COBL: variants seen among roughly 807,000 people sequenced by gnomAD.
COBL encodes protein cordon-bleu.
A neutral mutation model predicts 98.8 loss-of-function variants in COBL; 51 were observed. That is an observed-to-expected ratio of 0.52 (90% confidence interval 0.41 to 0.65). The LOEUF is 0.65. Among genes scored for constraint, COBL ranks in the 30% least tolerant of loss-of-function variants. The pLI is 0.00. For synonymous variants in COBL, 634 were observed against 651.7 expected, an observed-to-expected ratio of 0.97 and a Z score of 0.41; for missense variants, 1,617 against 1,617.5, an observed-to-expected ratio of 1.00 and a Z score of 0.01.
In COBL at chr7:51,251,861, TACACACAC is replaced by T. The variant is rs373984921; in HGVS notation, c.42-31925_42-31918del. Reference sequence around the variant, plus strand: ...CTTTCTATGCATACTTGCATGTGTATACACACACACACACACAACCATTTTTGCTTTCT... The same window carrying T: ...CTTTCTATGCATACTTGCATGTGTATACACACACAACCATTTTTGCTTTCT... On this transcript the variant is annotated intron_variant, in intron 1 of 12. Coordinates refer to ENST00000265136, the MANE Select transcript of COBL (RefSeq NM_015198.5). 2.4e-3 allele frequency among the ~76,000 whole-genome samples: 358 copies of T among 151,634 alleles called. 1 individual carries two copies. The highest frequency in any genetic ancestry group is 8.2e-3 in the African/African-American group (340 of 41,372).
chr7:51,038,905 G>A (rs1326804171), intron 8 of COBL, among the ~76,000 whole-genome samples: 1 of 152,162 alleles, frequency 6.6e-6, no homozygotes, highest in Non-Finnish European at 1.5e-5. Flanking sequence ...GTCACAGCTA[G>A]GTCCTACATC....
At position 51,028,487 on chromosome 7, in the gene COBL, G is replaced by A. The variant is rs1675132308; in HGVS notation, c.2609C>T (p.Ser870Phe). Reference sequence around the variant, plus strand: ...GGCTCCTATGCGCTTGGCAATGGCAGAGGCCACATACTGGCTGGACGTTCT... The same window carrying A: ...GGCTCCTATGCGCTTGGCAATGGCAAAGGCCACATACTGGCTGGACGTTCT... ...QRRTSSQYVASAIAKRIGAPK... is the reference protein window; with the variant it reads ...QRRTSSQYVAFAIAKRIGAPK... Residue 870 changes from serine (S) to phenylalanine (F), a missense_variant, in exon 10 of 13, where the codon TCT becomes TTT. By Grantham distance (155) the Ser-to-Phe change is radical. This residue lies in a region of COBL where 1,304 missense variants were observed against 1,282.0 expected (regional missense o/e 1.02). Transcript: ENST00000265136. 4 of 1,614,278 alleles carry A rather than the reference G, an allele frequency of 2.5e-6. No individual in the cohort carries two copies. The highest frequency in any genetic ancestry group is 1.7e-5 in the Admixed American group (1 of 60,038).
chr7:51,199,554 T>C (rs1790926650), intron 2 of COBL, among the ~76,000 whole-genome samples: 1 of 152,110 alleles, frequency 6.6e-6, no homozygotes, highest in Non-Finnish European at 1.5e-5. Flanking sequence ...TTCAGGAGAA[T>C]ACAGATTTTA....
At chr7:51,289,864 G>T (rs1055374447) in intron 1 of COBL, among the ~76,000 whole-genome samples, 1 of 152,178 alleles carries the variant, frequency 6.6e-6, no homozygotes, top group African/African-American at 2.4e-5. Context: ...CATAAAGACC[G>T]AACTGATGTT....
chr7:51,124,145 G>A (rs773351940), intron 6 of COBL, among the ~76,000 whole-genome samples: 19 of 152,194 alleles, frequency 1.2e-4, no homozygotes, highest in Admixed American at 2.0e-4. Flanking sequence ...TGCCTGGGAT[G>A]CAAGAAGAAC....
chr7:51,083,093 C>A, intron 7 of COBL: 1 of 1,535,548 alleles, frequency 6.5e-7, no homozygotes, highest in Non-Finnish European at 8.7e-7. Context: ...GGAACCAGCG[C>A]CTTCCCCGGG....
intron 5 of COBL, among the ~76,000 whole-genome samples, chr7:51,146,394 C>A (rs573448662): frequency 6.6e-6 from 1 of 152,286 alleles, no homozygotes; most frequent in South Asian, 2.1e-4. Context: ...CAGGGAGGGG[C>A]TGCCAGGCAT....
intron 5 of COBL, among the ~76,000 whole-genome samples, chr7:51,159,673 C>A (rs1369395885): frequency 6.6e-6 from 1 of 152,090 alleles, no homozygotes; most frequent in East Asian, 1.9e-4. Flanking sequence ...ACATTTTCAG[C>A]CAAGTGGTGA....
At chr7:51,185,066 C>T (rs1251532555) in intron 4 of COBL, among the ~76,000 whole-genome samples, 3 of 152,132 alleles carry the variant, frequency 2.0e-5, no homozygotes, top group African/African-American at 7.2e-5. Flanking sequence ...GCTCTAAATC[C>T]TCAACCCCTC....
intron 6 of COBL, among the ~76,000 whole-genome samples, chr7:51,127,741 T>A (rs777014262): frequency 7.2e-5 from 11 of 151,778 alleles, no homozygotes; most frequent in Non-Finnish European, 1.5e-4. Flanking sequence ...AGGCTGGGGG[T>A]GTTTTACTTA....
chr7:51,113,626 C>T (rs969257875), intron 6 of COBL, among the ~76,000 whole-genome samples: 9 of 152,062 alleles, frequency 5.9e-5, no homozygotes, highest in Non-Finnish European at 1.0e-4. Context: ...ATTATTTCTA[C>T]CAAAACAATA....
intron 5 of COBL, among the ~76,000 whole-genome samples, chr7:51,177,973 C>T (rs1025192176): frequency 2.0e-5 from 3 of 151,908 alleles, no homozygotes; most frequent in Admixed American, 2.0e-4. Context: ...TGGTGAAACC[C>T]GGTCTCTACT....
At chr7:51,251,235 C>A (rs1796708725) in intron 1 of COBL, among the ~76,000 whole-genome samples, 1 of 152,068 alleles carries the variant, frequency 6.6e-6, no homozygotes, top group African/African-American at 2.4e-5. Flanking sequence ...ATATGACATG[C>A]CAGGTATTTT....
At chr7:51,146,772 G>A (rs1004018039) in intron 5 of COBL, among the ~76,000 whole-genome samples, 3 of 152,110 alleles carry the variant, frequency 2.0e-5, no homozygotes, top group Admixed American at 2.0e-4. Context: ...AGGGGGAGTC[G>A]CAAGGAATAC....
At chr7:51,018,620 T>G (rs1418880168) in intron 12 of COBL, among the ~76,000 whole-genome samples, 6 of 151,738 alleles carry the variant, frequency 4.0e-5, no homozygotes, top group Non-Finnish European at 7.4e-5. Flanking sequence ...AGGGTGGGCA[T>G]AGTGGCTCAC....
intron 1 of COBL, among the ~76,000 whole-genome samples, chr7:51,262,646 T>A (rs1425035855): frequency 1.3e-5 from 2 of 152,186 alleles, no homozygotes; most frequent in Non-Finnish European, 1.5e-5. Context: ...GCAGTCACCA[T>A]CACATGGACG....
intron 5 of COBL, among the ~76,000 whole-genome samples, chr7:51,172,118 A>C (rs1584046621): frequency 6.6e-6 from 1 of 152,344 alleles, no homozygotes; most frequent in South Asian, 2.1e-4. Flanking sequence ...AGCAGCTGAG[A>C]GCTATAGGGT....
chr7:51,026,757 G>A, intron 10 of COBL, 92 bp from the exon 11 acceptor site: 1 of 1,467,618 alleles, frequency 6.8e-7, no homozygotes, highest in Non-Finnish European at 9.3e-7. Flanking sequence ...CATGGGCCAG[G>A]CACGGTGGCT....
chr7:51,220,283 C>G (rs1052245752), intron 1 of COBL, among the ~76,000 whole-genome samples: 4 of 152,146 alleles, frequency 2.6e-5, no homozygotes, highest in East Asian at 1.9e-4. Context: ...GATGACACAT[C>G]ACACGAATTA....
Sources: gnomAD v4.1 joint callset for allele counts (sites outside exome capture counted in the v4.1 genomes callset) on GRCh38, gnomAD v4.1.1 for gene constraint, gnomAD v4.1.1 regional missense constraint, MANE v1.5 for transcripts, NCBI Gene and HGNC (gene_info 2026-07-23, HGNC 2026-07-21) for gene names.